The following MLLT1 variants were observed in gnomAD, a reference collection of about 807,000 sequenced individuals.
The protein encoded by MLLT1 is MLLT1 super elongation complex subunit.
MLLT1 carries 11 observed loss-of-function variants against 55.1 expected under a neutral mutation model. That is an observed-to-expected ratio of 0.20 (90% confidence interval 0.13 to 0.33). The LOEUF is 0.33. Among genes scored for constraint, MLLT1 ranks in the 10% least tolerant of loss-of-function variants. The pLI is 1.00. For synonymous variants in MLLT1, 323 were observed against 320.1 expected, an observed-to-expected ratio of 1.01 and a Z score of -0.10; for missense variants, 536 against 760.6, an observed-to-expected ratio of 0.70 and a Z score of 3.47.
At chr19:6,220,410 G>A (rs138962109) in intron 6 of MLLT1, among the ~76,000 whole-genome samples, 3 of 152,352 alleles carry the variant, frequency 2.0e-5, no homozygotes, top group South Asian at 4.1e-4. Context: ...CTCAGCACGC[G>A]GGGCGCTCTT....
rs1364672697 is a variant in MLLT1, at chr19:6,230,016, C to T, written c.420+554G>A. Among the ~76,000 whole-genome samples, 4 of 152,132 alleles carry T rather than the reference C, an allele frequency of 2.6e-5. No individual in the cohort carries two copies. The highest frequency in any genetic ancestry group is 2.0e-4 in the Admixed American group (3 of 15,284). On this transcript the variant is annotated intron_variant, in intron 4 of 11. Transcript: ENST00000252674. The surrounding 1 kb of genome is among the most constrained non-coding windows in gnomAD (Gnocchi z 9.0). ...ACGTCCCTCCCTCCACGCCCCCCTC[C>T]TCCATAACCACCACCAGCCCTGCGC...
chr19:6,261,548 C>G (rs940220226), intron 3 of MLLT1, among the ~76,000 whole-genome samples: 1 of 149,306 alleles, frequency 6.7e-6, no homozygotes, highest in Non-Finnish European at 1.5e-5. Context: ...CGGCCATGGA[C>G]AAGCCACAAG....
rs1008396404 is a variant in MLLT1 at position 6,212,014 on chromosome 19, C to T, written c.*1028G>A. Reference sequence around the variant, plus strand: ...TCGAGGGGCTGACCAGAGTTCAATGCGCCTCAGAAAACTCCATAAACTATC... The same window carrying T: ...TCGAGGGGCTGACCAGAGTTCAATGTGCCTCAGAAAACTCCATAAACTATC... On this transcript the variant is annotated 3_prime_UTR_variant, in exon 12 of 12. Transcript: ENST00000252674. The T allele has an allele frequency of 1.3e-5, 14 of 1,065,564 alleles. No homozygotes were observed. Among genetic ancestry groups the T allele is most frequent in the Admixed American group, 5.3e-5 (1 of 18,734 alleles). 66.0% of individuals were successfully genotyped at this position (1,065,564 alleles called of 1,614,324 possible).
chr19:6,229,667 C>T lies in MLLT1; in HGVS notation c.420+903G>A, dbSNP rs200627352. On this transcript the variant is annotated intron_variant, in intron 4 of 11. Coordinates refer to ENST00000252674, the MANE Select transcript of MLLT1 (RefSeq NM_005934.4). The surrounding 1 kb of genome is among the most constrained non-coding windows in gnomAD (Gnocchi z 5.2). ...ACACAGCAGACAGCGTATGTACATACCACACAACACACACACACGCCCCAC... is the reference window on the plus strand; with the variant it reads ...ACACAGCAGACAGCGTATGTACATATCACACAACACACACACACGCCCCAC... Among the ~76,000 whole-genome samples the T allele has an allele frequency of 1.6e-4, 24 of 151,826 alleles. No homozygotes were observed. In the East Asian group the frequency reaches 4.6e-3, roughly 29 times the overall value.
rs1259587466 is a variant in MLLT1, at chr19:6,222,302, C to T, written c.929G>A (p.Ser310Asn). ...QKKSSSKGSR[S>N]APGTSPRTSS... The stretch of plus-strand genomic sequence containing the variant: ...GGTGCGGGGCGAGGTGCCTGGAGCA[C>T]TCCGGGACCCCTTCGAGCTGCTCTT... Residue 310 changes from serine to asparagine, a missense_variant, in exon 6 of 12, where the codon AGT (serine) becomes AAT (asparagine). Ser to Asn is a conservative substitution (Grantham distance 46). Coordinates refer to ENST00000252674, the MANE Select transcript of MLLT1 (RefSeq NM_005934.4). The surrounding 1 kb of genome is among the most constrained non-coding windows in gnomAD (Gnocchi z 4.1). The T allele has an allele frequency of 6.2e-7, 1 of 1,601,818 alleles. No homozygotes were observed. The highest frequency in any genetic ancestry group is 1.7e-5 in the Admixed American group (1 of 57,870).
chr19:6,241,286 C>A (rs1402319779), intron 3 of MLLT1, among the ~76,000 whole-genome samples: 1 of 152,252 alleles, frequency 6.6e-6, no homozygotes, highest in Non-Finnish European at 1.5e-5. Context: ...CACTGCCAGG[C>A]AGAGTCCAGC....
chr19:6,276,974 T>C (rs1289312634), intron 1 of MLLT1, among the ~76,000 whole-genome samples: 1 of 152,108 alleles, frequency 6.6e-6, no homozygotes, highest in Non-Finnish European at 1.5e-5. Context: ...AAAAAGAGAA[T>C]CAAAGCCTCC....
At chr19:6,276,015 G>C (rs1008078587) in intron 1 of MLLT1, among the ~76,000 whole-genome samples, 2 of 152,210 alleles carry the variant, frequency 1.3e-5, no homozygotes, top group African/African-American at 4.8e-5. Flanking sequence ...TCTGTCACCA[G>C]ACCAGGTGGG....
In MLLT1 at chr19:6,212,060, T is replaced by G; in HGVS notation, c.*982A>C. The G allele has an allele frequency of 9.4e-7, 1 of 1,065,908 alleles. No individual in the cohort carries two copies. The highest frequency in any genetic ancestry group is 1.1e-6 in the Non-Finnish European group (1 of 879,432). The allele number at this position is 1,065,908 out of a possible 1,614,324, so 66.0% of individuals were successfully genotyped here. ...CTATCCCGTCTTATTTGGCAAAAGC[T>G]CATATTTTTTTCAAAGTTTGAAGAC... On this transcript the variant is annotated 3_prime_UTR_variant, in exon 12 of 12. Transcript: ENST00000252674.
In MLLT1 at chr19:6,222,521, C is replaced by A; in HGVS notation, c.710G>T (p.Arg237Leu). Residue 237 changes from arginine (R) to leucine (L), a missense_variant, in exon 6 of 12, where the codon CGG (arginine) becomes CTG (leucine). By Grantham distance (102) the Arg-to-Leu change is moderately radical (BLOSUM62 -2). Around this residue, in one of 3 missense-constraint regions of MLLT1, gnomAD observed 449 missense variants for 489.0 expected, o/e 0.92. Coordinates refer to ENST00000252674, the MANE Select transcript of MLLT1 (RefSeq NM_005934.4). This position sits in a 1 kb window ranked among gnomAD's most constrained non-coding sequence, Gnocchi z 4.1. Reference sequence around the variant, plus strand: ...TGGCGCCTTCTCCTCCTTGGGCAGCCGGCCCTCGCCCAGCTTCCGCGAGGT... The same window carrying A: ...TGGCGCCTTCTCCTCCTTGGGCAGCAGGCCCTCGCCCAGCTTCCGCGAGGT... ...KDTSRKLGEG[R>L]LPKEEKAPPP... The A allele has an allele frequency of 6.3e-7, 1 of 1,599,842 alleles. No homozygotes were observed. The highest frequency in any genetic ancestry group is 8.5e-7 in the Non-Finnish European group (1 of 1,179,448).
chr19:6,229,548 A>G lies in MLLT1; in HGVS notation c.420+1022T>C, dbSNP rs1269320252. Among the ~76,000 whole-genome samples, 1 of 150,656 alleles carries G rather than the reference A, an allele frequency of 6.6e-6. No individual in the cohort carries two copies. Among genetic ancestry groups the G allele is most frequent in the African/African-American group, 2.5e-5 (1 of 40,792 alleles). The stretch of plus-strand genomic sequence containing the variant: ...ACATACACACCTGACACATTCACAT[A>G]CTCCCCATAACACACGTCACACCAT... On this transcript the variant is annotated intron_variant, in intron 4 of 11. Transcript: ENST00000252674. The surrounding 1 kb of genome is among the most constrained non-coding windows in gnomAD (Gnocchi z 5.2).
chr19:6,265,073 A>AG (rs2091338661), intron 2 of MLLT1, among the ~76,000 whole-genome samples: 1 of 144,266 alleles, frequency 6.9e-6, no homozygotes, highest in African/African-American at 2.6e-5. Flanking sequence ...AACAAAAAAA[A>AG]ACATGATGTC....
Position 6,248,360 on chromosome 19 carries a change from T to G in MLLT1, c.276+13868A>C, listed in dbSNP as rs537848331. On this transcript the variant is annotated intron_variant, in intron 3 of 11. Coordinates refer to ENST00000252674, the MANE Select transcript of MLLT1 (RefSeq NM_005934.4). ...CCTACGCCCACCAGGATGGAGGGGT[T>G]AATTCCTCTCCCTTGAGTGTGGGCT... Among the ~76,000 whole-genome samples the G allele has an allele frequency of 2.2e-4, 34 of 152,354 alleles. No individual in the cohort carries two copies. In the South Asian group the frequency reaches 6.6e-3, roughly 30 times the overall value.
intron 2 of MLLT1, among the ~76,000 whole-genome samples, chr19:6,269,006 C>T (rs926286826): frequency 6.6e-6 from 1 of 152,148 alleles, no homozygotes; most frequent in Admixed American, 6.5e-5. Flanking sequence ...CCCTGTGCTC[C>T]AGGGACAGAG....
At position 6,231,172 on chromosome 19, in the gene MLLT1, C is replaced by T. The variant is rs1025207898; in HGVS notation, c.277-459G>A. Among the ~76,000 whole-genome samples, 5 of 152,178 alleles carry T rather than the reference C, an allele frequency of 3.3e-5. No individual in the cohort carries two copies. Among genetic ancestry groups the T allele is most frequent in the African/African-American group, 9.7e-5 (4 of 41,432 alleles). The stretch of plus-strand genomic sequence containing the variant: ...GCAGGACACAGGACACAGACTCAAA[C>T]GACAGCACAGCACCCAGAGGGGGCA... On this transcript the variant is annotated intron_variant, in intron 3 of 11. Transcript: ENST00000252674. The surrounding 1 kb of genome is among the most constrained non-coding windows in gnomAD (Gnocchi z 5.1).
chr19:6,228,373 C>G (rs1318591583), intron 4 of MLLT1, among the ~76,000 whole-genome samples: 1 of 152,164 alleles, frequency 6.6e-6, no homozygotes, highest in African/African-American at 2.4e-5. Flanking sequence ...CGCAGTGTCT[C>G]GCTCTAGCAC....
chr19:6,272,879 G>A (rs866348627), intron 1 of MLLT1, among the ~76,000 whole-genome samples: 7 of 152,230 alleles, frequency 4.6e-5, no homozygotes, highest in African/African-American at 1.7e-4. Context: ...AAATGAGGCG[G>A]AGGCGTGCAA....
chr19:6,245,594 C>T (rs1568287753), intron 3 of MLLT1, among the ~76,000 whole-genome samples: 1 of 152,088 alleles, frequency 6.6e-6, no homozygotes, highest in Non-Finnish European at 1.5e-5. Context: ...ACCTGTAGTC[C>T]CAGCTACTTG....
chr19:6,237,542 G>C (rs1294840815), intron 3 of MLLT1, among the ~76,000 whole-genome samples: 1 of 151,228 alleles, frequency 6.6e-6, no homozygotes, highest in Non-Finnish European at 1.5e-5. Context: ...TGGATCACAA[G>C]GTCAGGAGAT....
Sources: allele counts gnomAD v4.1 joint callset (sites outside exome capture counted in the v4.1 genomes callset), GRCh38; gene constraint gnomAD v4.1.1; regional missense constraint gnomAD v4.1.1; non-coding constraint Gnocchi (gnomAD v3.1); transcripts MANE v1.5; gene names NCBI Gene and HGNC (gene_info 2026-07-23, HGNC 2026-07-21).